Variants in SAMD12 observed in about 807,000 individuals in gnomAD.
SAMD12 encodes sterile alpha motif domain-containing protein 12.
Under a neutral mutation model 15.0 loss-of-function variants are expected in SAMD12, and 9 were observed. The observed-to-expected ratio is 0.60, with a 90% CI of 0.36 to 1.05. SAMD12 has a LOEUF of 1.05. Among genes scored for constraint, SAMD12 ranks in the 50% least tolerant of loss-of-function variants. The pLI is 0.01. For synonymous variants in SAMD12, 86 were observed against 90.1 expected, an observed-to-expected ratio of 0.96 and a Z score of 0.25; for missense variants, 230 against 234.2, an observed-to-expected ratio of 0.98 and a Z score of 0.12.
chr8:118,457,875 C>A (rs1823305549), intron 2 of SAMD12, among the ~76,000 whole-genome samples: 1 of 152,200 alleles, frequency 6.6e-6, no homozygotes, highest in Non-Finnish European at 1.5e-5. Flanking sequence ...TTTGCTCAGC[C>A]TTTTCTTCCA....
chr8:118,548,544 G>C (rs1482484907), intron 2 of SAMD12, among the ~76,000 whole-genome samples: 1 of 152,194 alleles, frequency 6.6e-6, no homozygotes, highest in Non-Finnish European at 1.5e-5. Flanking sequence ...TGGAGGGGAG[G>C]AGCCAAGATG....
At chr8:118,252,498 TAGC>T (rs558605477) in intron 4 of SAMD12, among the ~76,000 whole-genome samples, 53 of 152,342 alleles carry the variant, frequency 3.5e-4, no homozygotes, top group African/African-American at 1.3e-3. Flanking sequence ...CTCTCTTGAC[TAGC>T]AGTCATCTTT....
chr8:118,411,051 T>C (rs7840038), intron 3 of SAMD12, among the ~76,000 whole-genome samples: 52,970 of 151,982 alleles, frequency 0.35, 9,933 homozygotes, highest in African/African-American at 0.42. Context: ...AAAGAAGACT[T>C]ATAAGTGGTA....
rs1043254658 is a variant in SAMD12, at chr8:118,428,466, T to G, written c.322+11366A>C. On this transcript the variant is annotated intron_variant, in intron 3 of 3. Transcript: ENST00000314727. ...AAATAAAAAGACCAATTTATCAATT[T>G]TTTTTCTTTTAAACTAAGGTGCTTC... 3.6e-4 allele frequency among the ~76,000 whole-genome samples: 55 copies of G among 152,122 alleles called. 1 individual carries two copies. Among genetic ancestry groups the G allele is most frequent in the Non-Finnish European group, 1.5e-4 (10 of 68,010 alleles).
chr8:118,446,423 A>G (rs1331293946), intron 2 of SAMD12, among the ~76,000 whole-genome samples: 2 of 152,224 alleles, frequency 1.3e-5, no homozygotes, highest in African/African-American at 2.4e-5. Flanking sequence ...TAGTAAACCT[A>G]AATTATGATG....
intron 4 of SAMD12, among the ~76,000 whole-genome samples, chr8:118,306,971 G>T (rs1052295417): frequency 6.6e-6 from 1 of 152,164 alleles, no homozygotes; most frequent in African/African-American, 2.4e-5. Context: ...TGAAAGCAGG[G>T]TAAGATCTGG....
chr8:118,251,541 G>A (rs867525952), intron 4 of SAMD12, among the ~76,000 whole-genome samples: 1 of 152,064 alleles, frequency 6.6e-6, no homozygotes, highest in Non-Finnish European at 1.5e-5. Context: ...TTTGGGTTAC[G>A]TGTGTTTTAT....
At chr8:118,148,122 G>A in the SAMD12 span, among the ~76,000 whole-genome samples, 2 of 151,708 alleles carry the variant, frequency 1.3e-5, no homozygotes, top group Admixed American at 1.3e-4. Context: ...TAGAGACGGG[G>A]TGTCACCATG....
chr8:118,353,018 C>G (rs151005787), intron 4 of SAMD12, among the ~76,000 whole-genome samples: 3 of 151,948 alleles, frequency 2.0e-5, no homozygotes, highest in African/African-American at 7.3e-5. Context: ...ATAAAAATCA[C>G]GTTAAACCAC....
intron 1 of SAMD12, among the ~76,000 whole-genome samples, chr8:118,592,324 T>C (rs1039491447): frequency 1.3e-5 from 2 of 151,896 alleles, no homozygotes; most frequent in Non-Finnish European, 1.5e-5. Flanking sequence ...AAATGGGAAA[T>C]GAAATGAAAT....
chr8:118,215,164 T>A (rs938943737), intron 4 of SAMD12, among the ~76,000 whole-genome samples: 6 of 152,224 alleles, frequency 3.9e-5, no homozygotes, highest in Non-Finnish European at 7.3e-5. Context: ...ATTGGCAAAC[T>A]ATAGCCCCTG....
intron 4 of SAMD12, among the ~76,000 whole-genome samples, chr8:118,280,904 G>C (rs1404783980): frequency 6.6e-6 from 1 of 152,176 alleles, no homozygotes; most frequent in Non-Finnish European, 1.5e-5. Flanking sequence ...TAAGTGACCA[G>C]AGTGTATTCT....
intron 2 of SAMD12, among the ~76,000 whole-genome samples, chr8:118,539,593 C>T (rs1390678408): frequency 6.6e-6 from 1 of 152,164 alleles, no homozygotes; most frequent in African/African-American, 2.4e-5. Context: ...CATACCCCCA[C>T]CCCAGAGCCA....
intron 2 of SAMD12, among the ~76,000 whole-genome samples, chr8:118,473,266 T>C (rs574713278): frequency 1.3e-5 from 2 of 152,340 alleles, no homozygotes; most frequent in Admixed American, 6.5e-5. Context: ...CTCTGTCCCC[T>C]GGTGGTTTTC....
chr8:118,487,284 G>C (rs1352208415), intron 2 of SAMD12, among the ~76,000 whole-genome samples: 4 of 152,084 alleles, frequency 2.6e-5, no homozygotes, highest in Non-Finnish European at 5.9e-5. Context: ...TATAAGACTT[G>C]AGCACTAAGC....
In SAMD12 at chr8:118,477,501, A is replaced by G. The variant is rs979388328; in HGVS notation, c.193-37540T>C. The stretch of plus-strand genomic sequence containing the variant: ...TCCTTTGTTTTAACACAACCCAGAT[A>G]TATTTGGCTCAAATTATTTACTTTT... On this transcript the variant is annotated intron_variant, in intron 2 of 3. Coordinates refer to ENST00000314727, the MANE Select transcript of SAMD12 (RefSeq NM_207506.3). Among the ~76,000 whole-genome samples, 10 of 152,306 alleles carry G rather than the reference A, an allele frequency of 6.6e-5. No individual in the cohort carries two copies. In the South Asian group the frequency reaches 2.1e-3, roughly 32 times the overall value.
intron 4 of SAMD12, among the ~76,000 whole-genome samples, chr8:118,200,403 CAAAAAAAA>C (rs35465667): frequency 1.8e-5 from 2 of 114,220 alleles, no homozygotes; most frequent in African/African-American, 3.4e-5. Flanking sequence ...ATTAGAGTAC[CAAAAAAAA>C]AAAAAAAAAA....
At chr8:118,434,760 A>G (rs1223972984) in intron 3 of SAMD12, among the ~76,000 whole-genome samples, 1 of 152,192 alleles carries the variant, frequency 6.6e-6, no homozygotes, top group Non-Finnish European at 1.5e-5. Flanking sequence ...ATTTCAGTCT[A>G]TATATCCTAA....
intron 2 of SAMD12, among the ~76,000 whole-genome samples, chr8:118,469,399 A>C (rs1176355577): frequency 7.2e-6 from 1 of 138,986 alleles, no homozygotes; most frequent in Non-Finnish European, 1.5e-5. Context: ...GGCAAAAACA[A>C]TGAAAATTTA....
Sources: gnomAD v4.1 joint callset for allele counts (sites outside exome capture counted in the v4.1 genomes callset) on GRCh38, gnomAD v4.1.1 for gene constraint, MANE v1.5 for transcripts, NCBI Gene and HGNC (gene_info 2026-07-23, HGNC 2026-07-21) for gene names.